The following CDCA7 variants were observed in gnomAD, a reference collection of about 807,000 sequenced individuals.
The protein encoded by CDCA7 is cell division cycle associated 7, also known as cell division cycle-associated protein 7.
A neutral mutation model predicts 54.0 loss-of-function variants in CDCA7; 28 were observed. The observed-to-expected ratio is 0.52, with a 90% CI of 0.38 to 0.71. The LOEUF is 0.71. Ranked by LOEUF, CDCA7 falls within the 30% of genes least tolerant of loss-of-function variation. The pLI is 0.00. For missense variants in CDCA7, 484 were observed against 586.0 expected, an observed-to-expected ratio of 0.83 and a Z score of 1.80; for synonymous variants, 180 against 208.2, an observed-to-expected ratio of 0.86 and a Z score of 1.16.
At chr2:173,358,867 G>C in intron 2 of CDCA7, 30 bp downstream of exon 2, 1 of 1,594,272 alleles carries the variant, frequency 6.3e-7, no homozygotes, top group Non-Finnish European at 8.5e-7. Context: ...AAACAGAATT[G>C]AGTCTGCAGT....
At chr2:173,355,683 A>ACCCCCCC (rs1686487618) in intron 1 of CDCA7, among the ~76,000 whole-genome samples, 2 of 20,284 alleles carry the variant, frequency 9.9e-5, no homozygotes, top group African/African-American at 2.0e-4. Context: ...CCCACCCCCC[A>ACCCCCCC]CCCCCCAGCC....
chr2:173,362,201 T>C (rs1462517727), intron 3 of CDCA7, among the ~76,000 whole-genome samples: 1 of 152,216 alleles, frequency 6.6e-6, no homozygotes, highest in Non-Finnish European at 1.5e-5. Context: ...TTTTGGAATC[T>C]GGAAATATTT....
Position 173,367,893 on chromosome 2 carries a change from A to C in CDCA7, c.*229A>C. 2 of 575,974 alleles carry C rather than the reference A, an allele frequency of 3.5e-6. No homozygotes were observed. Among genetic ancestry groups the C allele is most frequent in the Non-Finnish European group, 6.2e-6 (2 of 324,372 alleles). 35.7% of individuals were successfully genotyped at this position (575,974 alleles called of 1,614,324 possible). A position where few individuals can be genotyped will look rare whatever the true frequency, so the allele number is the denominator to read the frequency against. On this transcript the variant is annotated 3_prime_UTR_variant, in exon 10 of 10. Transcript: ENST00000306721. The stretch of plus-strand genomic sequence containing the variant: ...CTTCTCTGCTCCCAACCCCCATCTC[A>C]CAGCATCCCCCTCTATTTCCAATGC...
At chr2:173,358,619 T>C in intron 1 of CDCA7, 93 bp from the exon 2 acceptor site, 3 of 1,365,348 alleles carry the variant, frequency 2.2e-6, no homozygotes, top group Non-Finnish European at 3.0e-6. Flanking sequence ...ATCTACTCTG[T>C]GCTGTTTGAA....
chr2:173,358,681 C>T (rs1282301212), intron 1 of CDCA7, 31 bp from the exon 2 acceptor site: 14 of 1,606,236 alleles, frequency 8.7e-6, no homozygotes, highest in East Asian at 4.5e-5. Flanking sequence ...GTAAGCATCA[C>T]GCTTAATAGG....
chr2:173,365,647 CT>C, intron 7 of CDCA7, 55 bp downstream of exon 7: 2 of 1,585,754 alleles, frequency 1.3e-6, no homozygotes, highest in Non-Finnish European at 1.7e-6. Flanking sequence ...AGGAAGAGAG[CT>C]TCTGTCCCTA....
At chr2:173,364,108 C>G (rs1441815352) in intron 5 of CDCA7, 2 of 443,104 alleles carry the variant, frequency 4.5e-6, no homozygotes, top group African/African-American at 2.0e-5. Context: ...CACTAAACTC[C>G]TTTTGATTGG....
intron 5 of CDCA7, 176 bp downstream of exon 5, chr2:173,364,071 T>G: frequency 1.8e-6 from 1 of 557,546 alleles, no homozygotes; most frequent in East Asian, 3.1e-5. Flanking sequence ...CTGGGCAGTT[T>G]GGTCTCTCCT....
At chr2:173,365,895 G>C (rs1319656371) in intron 7 of CDCA7, among the ~76,000 whole-genome samples, 1 of 152,214 alleles carries the variant, frequency 6.6e-6, no homozygotes, top group African/African-American at 2.4e-5. Context: ...AGGTGCTGGA[G>C]TGTGGTGGTA....
chr2:173,363,332 C>T lies in CDCA7; in HGVS notation c.491C>T (p.Thr164Ile). 1 of 1,614,072 alleles carries T rather than the reference C, an allele frequency of 6.2e-7. No homozygotes were observed. The highest frequency in any genetic ancestry group is 8.5e-7 in the Non-Finnish European group (1 of 1,180,022). Residue 164 changes from threonine to isoleucine, a missense_variant, in exon 4 of 10, where the codon ACC becomes ATC. Thr to Ile is a moderately conservative substitution (Grantham distance 89). Transcript: ENST00000306721. Reference sequence around the variant, plus strand: ...CCAGCGCGGAGTACCAGGGGAGCAACCAACAAAAAAGCAGAGTCCCGCCAG... The same window carrying T: ...CCAGCGCGGAGTACCAGGGGAGCAATCAACAAAAAAGCAGAGTCCCGCCAG... ...KFPARSTRGA[T>I]NKKAESRQPS...
intron 1 of CDCA7, among the ~76,000 whole-genome samples, chr2:173,355,686 C>G (rs1319556146): frequency 6.6e-6 from 1 of 151,370 alleles, no homozygotes; most frequent in East Asian, 1.9e-4. Flanking sequence ...ACCCCCCACC[C>G]CCCAGCCTTA....
At chr2:173,360,716 A>G (rs145899968) in intron 3 of CDCA7, among the ~76,000 whole-genome samples, 13 of 152,244 alleles carry the variant, frequency 8.5e-5, no homozygotes, top group East Asian at 7.7e-4. Context: ...GGCCCAAGCA[A>G]TCCTCCCGTC....
Position 173,366,824 on chromosome 2 carries a change from G to T in CDCA7, c.1186-326G>T, listed in dbSNP as rs1381192068. ...GCCTCCTGAAGTGCTGGGATTACAG[G>T]TGTGAGCCACCACGCCCGGCCCAGG... On this transcript the variant is annotated intron_variant, in intron 8 of 9. Coordinates refer to ENST00000306721, the MANE Select transcript of CDCA7 (RefSeq NM_031942.5). This position sits in a 1 kb window ranked among gnomAD's most constrained non-coding sequence, Gnocchi z 4.5. Among the ~76,000 whole-genome samples, 1 of 152,176 alleles carries T rather than the reference G, an allele frequency of 6.6e-6. No individual in the cohort carries two copies. The highest frequency in any genetic ancestry group is 1.5e-5 in the Non-Finnish European group (1 of 68,032).
At position 173,367,710 on chromosome 2, in the gene CDCA7, T is replaced by G. The variant is rs1162911288; in HGVS notation, c.*46T>G. ...TGCCTTCTACTTCTCAAATCTTTCT[T>G]GTAAAAGTTTCCAATTTTTTCACTG... On this transcript the variant is annotated 3_prime_UTR_variant, in exon 10 of 10. Transcript: ENST00000306721. 1.9e-6 allele frequency: 3 copies of G among 1,606,552 alleles called. No individual in the cohort carries two copies. In the Admixed American group the frequency reaches 5.0e-5, roughly 27 times the overall value.
chr2:173,363,968 A>C lies in CDCA7; in HGVS notation c.699+73A>C, dbSNP rs147218573. On this transcript the variant is annotated intron_variant, in intron 5 of 9. Transcript: ENST00000306721. ...AAGGTCGATCTGTGTTGTATTTAAA[A>C]ATCTAATTTCTTTATTTGTGTGGCC... 141 of 1,387,794 alleles carry C rather than the reference A, an allele frequency of 1.0e-4. No individual in the cohort carries two copies. In the East Asian group the frequency reaches 3.2e-3, roughly 31 times the overall value. The allele number at this position is 1,387,794 out of a possible 1,614,324, so 86.0% of individuals were successfully genotyped here.
intron 1 of CDCA7, 165 bp from the exon 2 acceptor site, chr2:173,358,547 A>G: frequency 2.9e-6 from 2 of 690,200 alleles, no homozygotes; most frequent in Non-Finnish European, 4.5e-6. Context: ...AAAAAGAAAG[A>G]AAAAATTTTT....
chr2:173,365,552 T>C lies in CDCA7; in HGVS notation c.995T>C (p.Val332Ala). The C allele has an allele frequency of 6.2e-7, 1 of 1,614,166 alleles. No homozygotes were observed. The highest frequency in any genetic ancestry group is 1.1e-5 in the South Asian group (1 of 91,072). The change falls in exon 7 of 10, where the codon GTC (valine) becomes GCC (alanine). Residue 332 changes from valine (V) to alanine (A), a missense_variant. By Grantham distance (64) the Val-to-Ala change is moderately conservative. Transcript: ENST00000306721. ...EEITEEELEN[V>A]CSNSREKIYN... ...ATTACAGAGGAGGAGTTGGAGAACGTCTGCAGCAATTCTCGAGAGAAGATA... is the reference window on the plus strand; with the variant it reads ...ATTACAGAGGAGGAGTTGGAGAACGCCTGCAGCAATTCTCGAGAGAAGATA...
intron 3 of CDCA7, among the ~76,000 whole-genome samples, chr2:173,359,959 C>T (rs1686588794): frequency 1.3e-5 from 2 of 152,204 alleles, no homozygotes; most frequent in East Asian, 1.9e-4. Flanking sequence ...GAGGGCCCTT[C>T]CTGCTGCTAC....
Position 173,354,914 on chromosome 2 carries a change from C to G in CDCA7, c.-50C>G. 6.8e-7 allele frequency: 1 copy of G among 1,477,756 alleles called. No homozygotes were observed. The highest frequency in any genetic ancestry group is 8.9e-7 in the Non-Finnish European group (1 of 1,122,028). 91.5% of individuals were successfully genotyped at this position (1,477,756 alleles called of 1,614,324 possible). ...TGCTGTGGGACCGCTGACCGCGCGGCTGCTCCGCTCTCCCCGCTCCAAGCG... is the reference window on the plus strand; with the variant it reads ...TGCTGTGGGACCGCTGACCGCGCGGGTGCTCCGCTCTCCCCGCTCCAAGCG... On this transcript the variant is annotated 5_prime_UTR_variant, in exon 1 of 10. Transcript: ENST00000306721.
Sources: allele counts gnomAD v4.1 joint callset (sites outside exome capture counted in the v4.1 genomes callset), GRCh38; gene constraint gnomAD v4.1.1; non-coding constraint Gnocchi (gnomAD v3.1); transcripts MANE v1.5; gene names NCBI Gene and HGNC (gene_info 2026-07-23, HGNC 2026-07-21).